The following FSTL5 variants were observed in gnomAD, a reference collection of about 807,000 sequenced individuals.
The protein encoded by FSTL5 is follistatin-related protein 5.
In FSTL5, 62 loss-of-function variants were observed where a neutral mutation model predicts 89.1. The observed-to-expected ratio is 0.70, with a 90% CI of 0.57 to 0.86. The LOEUF (loss-of-function observed/expected upper bound fraction) is 0.86. Ranked by LOEUF, FSTL5 falls within the 40% of genes least tolerant of loss-of-function variation. The pLI is 0.00. For missense variants in FSTL5, 1,057 were observed against 1,001.6 expected, an observed-to-expected ratio of 1.06 and a Z score of -0.75; for synonymous variants, 383 against 346.2, an observed-to-expected ratio of 1.11 and a Z score of -1.18.
intron 4 of FSTL5, among the ~76,000 whole-genome samples, chr4:161,851,892 T>TACACACACACAC (rs140056514): frequency 6.0e-5 from 9 of 149,794 alleles, no homozygotes; most frequent in Non-Finnish European, 7.4e-5. Flanking sequence ...ATCTCATCCC[T>TACACACACACAC]ACACACACAC....
chr4:161,618,650 A>G (rs1043521873), intron 7 of FSTL5, among the ~76,000 whole-genome samples: 77 of 152,310 alleles, frequency 5.1e-4, no homozygotes, highest in African/African-American at 1.7e-3. Context: ...ATATTGAACT[A>G]GCTTTGTATC....
chr4:162,072,667 C>A (rs1674881041), intron 2 of FSTL5, among the ~76,000 whole-genome samples: 1 of 151,666 alleles, frequency 6.6e-6, no homozygotes, highest in African/African-American at 2.4e-5. Context: ...TTAATTATAG[C>A]CTACTTAGCA....
At chr4:161,671,537 G>A (rs1029274517) in intron 6 of FSTL5, among the ~76,000 whole-genome samples, 2 of 152,004 alleles carry the variant, frequency 1.3e-5, no homozygotes, top group East Asian at 1.9e-4. Flanking sequence ...CTGCTTTTAC[G>A]TTCCTTAGAC....
chr4:161,663,066 C>G (rs888825427), intron 6 of FSTL5, among the ~76,000 whole-genome samples: 5 of 152,068 alleles, frequency 3.3e-5, no homozygotes, highest in African/African-American at 1.2e-4. Context: ...AAGACCGGCC[C>G]CCATGACTCA....
At chr4:161,926,402 T>TG (rs1263801793) in intron 3 of FSTL5, among the ~76,000 whole-genome samples, 1 of 31,276 alleles carries the variant, frequency 3.2e-5, no homozygotes. Flanking sequence ...AGGTTTTTTT[T>TG]TTTTGTTTTG....
chr4:162,092,969 A>G (rs1007528186), intron 2 of FSTL5, among the ~76,000 whole-genome samples: 1 of 124,124 alleles, frequency 8.1e-6, no homozygotes. Flanking sequence ...AAAAAAAAAA[A>G]AAGAAAGATA....
chr4:161,604,293 A>G (rs897462406), intron 7 of FSTL5, among the ~76,000 whole-genome samples: 9 of 152,132 alleles, frequency 5.9e-5, no homozygotes, highest in Admixed American at 4.6e-4. Context: ...TCAGTTTTGA[A>G]TCAGAAGAAC....
intron 6 of FSTL5, among the ~76,000 whole-genome samples, chr4:161,682,653 G>C (rs1410945541): frequency 6.6e-6 from 1 of 152,050 alleles, no homozygotes; most frequent in Non-Finnish European, 1.5e-5. Context: ...AGGTCTTCAA[G>C]GGCAAAAACT....
intron 3 of FSTL5, among the ~76,000 whole-genome samples, chr4:162,008,858 T>C (rs1736683968): frequency 6.6e-6 from 1 of 151,998 alleles, no homozygotes; most frequent in African/African-American, 2.4e-5. Flanking sequence ...GTATTTTAAA[T>C]TAAACAGGCT....
At chr4:161,954,204 T>C (rs1359762920) in intron 3 of FSTL5, among the ~76,000 whole-genome samples, 1 of 151,690 alleles carries the variant, frequency 6.6e-6, no homozygotes, top group African/African-American at 2.4e-5. Flanking sequence ...TATACATTAA[T>C]AATTAGAGTG....
At chr4:162,122,818 C>T (rs1731923818) in intron 1 of FSTL5, among the ~76,000 whole-genome samples, 1 of 152,102 alleles carries the variant, frequency 6.6e-6, no homozygotes, top group South Asian at 2.1e-4. Flanking sequence ...ACGTAAGCTA[C>T]ACCTAAGTTT....
intron 3 of FSTL5, among the ~76,000 whole-genome samples, chr4:162,020,732 A>C (rs935272079): frequency 6.6e-6 from 1 of 152,068 alleles, no homozygotes; most frequent in Non-Finnish European, 1.5e-5. Context: ...TTCTTATTTA[A>C]CTAAAAGAAA....
chr4:161,960,943 A>T (rs1437058066), intron 3 of FSTL5, among the ~76,000 whole-genome samples: 2 of 152,102 alleles, frequency 1.3e-5, no homozygotes, highest in Non-Finnish European at 2.9e-5. Context: ...GTAAGTGAAT[A>T]TGAAAACTTT....
At chr4:162,031,972 A>C (rs543557156) in intron 3 of FSTL5, among the ~76,000 whole-genome samples, 1 of 152,188 alleles carries the variant, frequency 6.6e-6, no homozygotes, top group South Asian at 2.1e-4. Context: ...TAAAAGCCAC[A>C]ATGTGTGTGA....
intron 2 of FSTL5, among the ~76,000 whole-genome samples, chr4:162,092,677 A>T (rs1730592689): frequency 6.6e-6 from 1 of 152,106 alleles, no homozygotes; most frequent in Non-Finnish European, 1.5e-5. Context: ...GAGGCCAGGC[A>T]CAGTGGCTCA....
chr4:161,455,310 T>C (rs1399299658), intron 14 of FSTL5, among the ~76,000 whole-genome samples, 182 bp from the exon 15 acceptor site: 4 of 152,200 alleles, frequency 2.6e-5, no homozygotes, highest in African/African-American at 9.6e-5. Flanking sequence ...TTATTTTCAA[T>C]ATAGAAACTT....
chr4:161,834,589 G>A (rs1579127155), intron 4 of FSTL5, among the ~76,000 whole-genome samples: 1 of 152,258 alleles, frequency 6.6e-6, no homozygotes, highest in East Asian at 1.9e-4. Flanking sequence ...AAGCTGATAA[G>A]CAACTTCAGC....
chr4:162,024,555 T>C (rs926186449), intron 3 of FSTL5, among the ~76,000 whole-genome samples: 1 of 152,226 alleles, frequency 6.6e-6, no homozygotes, highest in Non-Finnish European at 1.5e-5. Flanking sequence ...ACAGCAGTTG[T>C]TTCTAAATGT....
chr4:162,130,161 A>C (rs1195496102), intron 1 of FSTL5, among the ~76,000 whole-genome samples: 3 of 152,170 alleles, frequency 2.0e-5, no homozygotes, highest in Non-Finnish European at 4.4e-5. Flanking sequence ...TTAGGAAAAA[A>C]ATCATGTGTC....
Sources: allele counts gnomAD v4.1 joint callset (sites outside exome capture counted in the v4.1 genomes callset), GRCh38; gene constraint gnomAD v4.1.1; transcripts MANE v1.5; gene names NCBI Gene and HGNC (gene_info 2026-07-23, HGNC 2026-07-21).